Variants in GALNT9 observed in about 807,000 individuals in gnomAD.
The protein encoded by GALNT9 is polypeptide N-acetylgalactosaminyltransferase 9.
In GALNT9, 47 loss-of-function variants were observed where a neutral mutation model predicts 63.1. The observed-to-expected ratio is 0.75, with a 90% CI of 0.59 to 0.95. GALNT9 has a LOEUF of 0.95. Ranked by LOEUF, GALNT9 falls within the 40% of genes least tolerant of loss-of-function variation. The probability of loss-of-function intolerance (pLI) is 0.00; values close to 1 mark genes in which losing one functional copy is unlikely to be tolerated. For synonymous variants in GALNT9, 396 were observed against 365.7 expected (o/e 1.08, Z -0.94); for missense variants, 829 against 874.8 (o/e 0.95, Z 0.66).
At position 132,223,036 on chromosome 12, in the gene GALNT9, CACA is replaced by C. The variant is rs1877527713; in HGVS notation, c.1078-19349_1078-19347del. On this transcript the variant is annotated intron_variant, in intron 6 of 10. Coordinates refer to ENST00000328957, the MANE Select transcript of GALNT9 (RefSeq NM_001122636.2). ...CCCACACCCTACACAACCCGTACCC[CACA>C]CACACAGACACACCACACAACCCAC... Among the ~76,000 whole-genome samples, 3 of 22,182 alleles carry C rather than the reference CACA, an allele frequency of 1.4e-4. 1 individual carries two copies. The highest frequency in any genetic ancestry group is 2.0e-4 in the Non-Finnish European group (2 of 9,802). The allele number at this position is 22,182 out of a possible 152,430, so 14.6% of individuals were successfully genotyped here. A position where few individuals can be genotyped will look rare whatever the true frequency, so the allele number is the denominator to read the frequency against.
chr12:132,239,617 G>A (rs1319660868), intron 6 of GALNT9, among the ~76,000 whole-genome samples: 2 of 151,144 alleles, frequency 1.3e-5, no homozygotes, highest in Non-Finnish European at 2.9e-5. Flanking sequence ...CACACTGAGA[G>A]ACTGAGAGAC....
intron 6 of GALNT9, among the ~76,000 whole-genome samples, chr12:132,208,950 CCT>C (rs1446309441): frequency 6.6e-6 from 1 of 152,228 alleles, no homozygotes; most frequent in East Asian, 1.9e-4. Context: ...AGTTGATACC[CCT>C]GTCTTGGGGT....
chr12:132,251,686 C>G (rs1306172996), intron 5 of GALNT9, among the ~76,000 whole-genome samples: 1 of 152,162 alleles, frequency 6.6e-6, no homozygotes, highest in African/African-American at 2.4e-5. Context: ...AGACAGGGCT[C>G]TGCAAGCTGG....
intron 1 of GALNT9, among the ~76,000 whole-genome samples, chr12:132,298,730 A>G (rs577993596): frequency 2.1e-5 from 3 of 145,004 alleles, no homozygotes; most frequent in South Asian, 2.3e-4. Flanking sequence ...ACCCACTCCC[A>G]TGATAACTAA....
rs1235423829 is a variant in GALNT9, at chr12:132,257,525, C to T, written c.959+164G>A. Among the ~76,000 whole-genome samples the T allele has an allele frequency of 3.7e-4, 43 of 117,214 alleles. 1 individual carries two copies. Among genetic ancestry groups the T allele is most frequent in the African/African-American group, 1.3e-3 (38 of 29,634 alleles). 76.9% of individuals were successfully genotyped at this position (117,214 alleles called of 152,430 possible). A position where few individuals can be genotyped will look rare whatever the true frequency, so the allele number is the denominator to read the frequency against. ...GCCCTCATCCCCACGCCCTCGTCCC[C>T]GGCCCTCATCCCCACGCCCTCGTCC... On this transcript the variant is annotated intron_variant, in intron 5 of 10. Coordinates refer to ENST00000328957, the MANE Select transcript of GALNT9 (RefSeq NM_001122636.2).
chr12:132,318,948 G>A (rs782326604), intron 1 of GALNT9, among the ~76,000 whole-genome samples: 5 of 152,222 alleles, frequency 3.3e-5, no homozygotes, highest in Non-Finnish European at 5.9e-5. Flanking sequence ...ACATCCCTGC[G>A]GGGCCTCCCG....
chr12:132,303,411 A>G (rs58013380), intron 1 of GALNT9, among the ~76,000 whole-genome samples: 3,503 of 121,626 alleles, frequency 0.029, 302 homozygotes, highest in African/African-American at 0.063. Context: ...GCACACCCTC[A>G]CCCGGGCACA....
chr12:132,262,539 C>A lies in GALNT9; in HGVS notation c.506G>T (p.Arg169Leu). 1 of 1,551,452 alleles carries A rather than the reference C, an allele frequency of 6.4e-7. No individual in the cohort carries two copies. The highest frequency in any genetic ancestry group is 8.7e-7 in the Non-Finnish European group (1 of 1,146,912). Residue 169 changes from arginine to leucine, a missense_variant, in exon 3 of 11, where the codon CGC becomes CTC. Transcript: ENST00000328957. ...FVNEALSVIL[R>L]SVHSVVNHTP... is the part of the protein sequence containing the mutation. ...GTGGTTGACCACGCTGTGCACGGAGCGCAGGATGACCGACAGCGCCTCATT... is the reference window on the plus strand; with the variant it reads ...GTGGTTGACCACGCTGTGCACGGAGAGCAGGATGACCGACAGCGCCTCATT...
At position 132,196,401 on chromosome 12, in the gene GALNT9, A is replaced by G. The variant is rs534581396; in HGVS notation, c.*706T>C. 2.5e-4 allele frequency: 245 copies of G among 982,498 alleles called. No homozygotes were observed. Among genetic ancestry groups the G allele is most frequent in the Non-Finnish European group, 2.9e-4 (241 of 827,504 alleles). 60.9% of individuals were successfully genotyped at this position (982,498 alleles called of 1,614,324 possible). A position where few individuals can be genotyped will look rare whatever the true frequency, so the allele number is the denominator to read the frequency against. On this transcript the variant is annotated 3_prime_UTR_variant, in exon 11 of 11. Coordinates refer to ENST00000328957, the MANE Select transcript of GALNT9 (RefSeq NM_001122636.2). Reference sequence around the variant, plus strand: ...GCTGGGCGCCAATAAAACTGTATTTATTAAAACAGGCAAGGGGCTGGGCTG... The same window carrying G: ...GCTGGGCGCCAATAAAACTGTATTTGTTAAAACAGGCAAGGGGCTGGGCTG...
At chr12:132,216,645 G>A (rs780686038) in intron 6 of GALNT9, among the ~76,000 whole-genome samples, 13 of 152,210 alleles carry the variant, frequency 8.5e-5, no homozygotes, top group African/African-American at 2.7e-4. Flanking sequence ...GCGTGCCCAC[G>A]TGGCTACCTT....
chr12:132,317,123 C>T (rs1199904156), intron 1 of GALNT9, among the ~76,000 whole-genome samples: 3 of 151,862 alleles, frequency 2.0e-5, no homozygotes, highest in Non-Finnish European at 2.9e-5. Flanking sequence ...ACCCTACACC[C>T]CACAGAGCAC....
At chr12:132,256,900 T>C (rs147598153) in intron 5 of GALNT9, among the ~76,000 whole-genome samples, 40 of 152,370 alleles carry the variant, frequency 2.6e-4, no homozygotes, top group African/African-American at 9.6e-4. Flanking sequence ...CTCCCTGGAC[T>C]GTGGGGAGCA....
At chr12:132,251,957 G>A (rs1389061704) in intron 5 of GALNT9, among the ~76,000 whole-genome samples, 8 of 152,194 alleles carry the variant, frequency 5.3e-5, no homozygotes, top group African/African-American at 1.9e-4. Flanking sequence ...CCTGCCCCCC[G>A]CCTGCCAGGC....
At chr12:132,314,412 C>A (rs951561722) in intron 1 of GALNT9, among the ~76,000 whole-genome samples, 5 of 152,102 alleles carry the variant, frequency 3.3e-5, no homozygotes, top group African/African-American at 4.8e-5. Context: ...TTCATATGCA[C>A]CATCTTGTCT....
At chr12:132,199,776 C>G (rs1387726510) in intron 8 of GALNT9, among the ~76,000 whole-genome samples, 1 of 152,210 alleles carries the variant, frequency 6.6e-6, no homozygotes, top group Admixed American at 6.5e-5. Context: ...CTCCAGCCTC[C>G]AGAACAGGCC....
intron 1 of GALNT9, among the ~76,000 whole-genome samples, chr12:132,323,865 G>T (rs1159613090): frequency 6.6e-6 from 1 of 152,246 alleles, no homozygotes; most frequent in Admixed American, 6.5e-5. Context: ...CAACGCTGCT[G>T]CCACTGTGGA....
At position 132,266,255 on chromosome 12, in the gene GALNT9, G is replaced by C. The variant is rs535269680; in HGVS notation, c.420-3630C>G. On this transcript the variant is annotated intron_variant, in intron 2 of 10. Transcript: ENST00000328957. ...CATATTTCATGAATGTGCATGCACAGCTCCCGAGAAAGGACTCCCCTCGAG... is the reference window on the plus strand; with the variant it reads ...CATATTTCATGAATGTGCATGCACACCTCCCGAGAAAGGACTCCCCTCGAG... Among the ~76,000 whole-genome samples, 11 of 152,376 alleles carry C rather than the reference G, an allele frequency of 7.2e-5. No homozygotes were observed. The Middle Eastern group carries it at 0.014, about 188-fold the overall frequency.
chr12:132,225,137 C>T (rs1257889881), intron 6 of GALNT9, among the ~76,000 whole-genome samples: 1 of 141,628 alleles, frequency 7.1e-6, no homozygotes, highest in Non-Finnish European at 1.5e-5. Context: ...ACAACTCACA[C>T]CTCACACACT....
chr12:132,321,223 TCTGGAGTCGAGGCCCCTGTCGG>T (rs1555246111), intron 1 of GALNT9, among the ~76,000 whole-genome samples: 16 of 29,182 alleles, frequency 5.5e-4, no homozygotes, highest in Middle Eastern at 0.014. Context: ...CCCCTGTGGG[TCTGGAGTCGAGGCCCCTGTCGG>T]TCCGGAGTCG....
Sources: allele counts gnomAD v4.1 joint callset (sites outside exome capture counted in the v4.1 genomes callset), GRCh38; gene constraint gnomAD v4.1.1; transcripts MANE v1.5; gene names NCBI Gene and HGNC (gene_info 2026-07-23, HGNC 2026-07-21).